The following TJP1 variants were observed in gnomAD, a reference collection of about 807,000 sequenced individuals.
The protein encoded by TJP1 is tight junction protein 1.
TJP1 carries 43 observed loss-of-function variants against 194.2 expected under a neutral mutation model. That is an observed-to-expected ratio of 0.22 (90% CI 0.17 to 0.29). TJP1 has a LOEUF of 0.29. Ranked by LOEUF, TJP1 falls within the 10% of genes least tolerant of loss-of-function variation. The pLI, the probability that TJP1 is intolerant of heterozygous loss-of-function variation, is 1.00. For missense variants in TJP1, 1,971 were observed against 2,185.7 expected, an observed-to-expected ratio of 0.90 and a Z score of 1.96; for synonymous variants, 801 against 779.0, an observed-to-expected ratio of 1.03 and a Z score of -0.47.
At chr15:29,842,261 C>A (rs573444519) in intron 2 of TJP1, among the ~76,000 whole-genome samples, 2 of 152,264 alleles carry the variant, frequency 1.3e-5, no homozygotes, top group Admixed American at 6.5e-5. Context: ...AAGCCCCAAA[C>A]GCTTCTAACT....
intron 2 of TJP1, among the ~76,000 whole-genome samples, chr15:29,951,626 T>C (rs2055756868): frequency 6.6e-6 from 1 of 152,200 alleles, no homozygotes. Context: ...TCTTCTCACA[T>C]ATTTCCCCCT....
intron 4 of TJP1, among the ~76,000 whole-genome samples, chr15:29,771,532 G>A (rs917974713): frequency 6.6e-6 from 1 of 152,194 alleles, no homozygotes; most frequent in Admixed American, 6.5e-5. Flanking sequence ...TTGGCCGGGC[G>A]TGGTGGCTCA....
chr15:29,811,519 G>A (rs992624460), intron 1 of TJP1, among the ~76,000 whole-genome samples: 1 of 152,138 alleles, frequency 6.6e-6, no homozygotes, highest in African/African-American at 2.4e-5. Context: ...GCAAATCAAA[G>A]CTGAATAGAA....
chr15:29,950,941 T>G (rs1274458631), intron 2 of TJP1, among the ~76,000 whole-genome samples: 1 of 152,042 alleles, frequency 6.6e-6, no homozygotes, highest in Non-Finnish European at 1.5e-5. Flanking sequence ...TTTGACAAAG[T>G]TGTTATGAGG....
chr15:29,833,611 T>C (rs547315404), intron 2 of TJP1, among the ~76,000 whole-genome samples: 1 of 151,812 alleles, frequency 6.6e-6, no homozygotes, highest in African/African-American at 2.4e-5. Flanking sequence ...GAGGCTAATC[T>C]TGAACTCCTG....
intron 23 of TJP1, among the ~76,000 whole-genome samples, chr15:29,714,537 C>CG (rs758899560): frequency 2.2e-5 from 2 of 88,986 alleles, no homozygotes; most frequent in African/African-American, 9.6e-5. Context: ...TGCGCCCAGC[C>CG]TTTTTTTTTT....
intron 2 of TJP1, among the ~76,000 whole-genome samples, chr15:29,789,965 A>C (rs1365292663): frequency 6.6e-6 from 1 of 151,844 alleles, no homozygotes; most frequent in Non-Finnish European, 1.5e-5. Flanking sequence ...GCCCAGACAA[A>C]CTGAGTAAGA....
intron 8 of TJP1, among the ~76,000 whole-genome samples, chr15:29,758,130 T>C (rs1161780512): frequency 6.6e-6 from 1 of 152,216 alleles, no homozygotes; most frequent in Non-Finnish European, 1.5e-5. Context: ...TTGTACTGTT[T>C]ATGTTATCAG....
chr15:29,741,675 A>G (rs2044430188), intron 9 of TJP1, among the ~76,000 whole-genome samples: 1 of 152,202 alleles, frequency 6.6e-6, no homozygotes, highest in African/African-American at 2.4e-5. Flanking sequence ...TCTATTCTTT[A>G]AGAACGAATA....
Position 29,916,994 on chromosome 15 carries a change from G to T in TJP1, c.306+39238C>A, listed in dbSNP as rs534059720. Reference sequence around the variant, plus strand: ...CCCCTCCACCACCACCTTTCATGGTGTATTTTTCAACCCCTTTAGAGAATT... The same window carrying T: ...CCCCTCCACCACCACCTTTCATGGTTTATTTTTCAACCCCTTTAGAGAATT... On this transcript the variant is annotated intron_variant, in intron 2 of 28. Transcript: ENST00000356107. 8.5e-5 allele frequency among the ~76,000 whole-genome samples: 13 copies of T among 152,234 alleles called. No individual in the cohort carries two copies. In the East Asian group the frequency reaches 2.5e-3, roughly 29 times the overall value.
intron 11 of TJP1, among the ~76,000 whole-genome samples, chr15:29,735,449 T>C (rs1299515869): frequency 6.6e-6 from 1 of 151,460 alleles, no homozygotes; most frequent in Non-Finnish European, 1.5e-5. Context: ...ATTTGCCACG[T>C]GTGGTGGCTA....
At chr15:29,881,958 T>C (rs889527930) in intron 2 of TJP1, among the ~76,000 whole-genome samples, 2 of 151,414 alleles carry the variant, frequency 1.3e-5, no homozygotes, top group Non-Finnish European at 2.9e-5. Flanking sequence ...TATATATAGA[T>C]ATATATATTT....
At chr15:29,900,072 G>A (rs951036012) in intron 2 of TJP1, among the ~76,000 whole-genome samples, 2 of 152,046 alleles carry the variant, frequency 1.3e-5, no homozygotes, top group African/African-American at 4.8e-5. Flanking sequence ...AGGGTGGGGG[G>A]ATGGCAAATG....
rs145119870 is a variant in TJP1 at position 29,846,754 on chromosome 15, T to A, written c.307-46052A>T. 9.5e-4 allele frequency among the ~76,000 whole-genome samples: 145 copies of A among 152,030 alleles called. 1 individual carries two copies. The highest frequency in any genetic ancestry group is 3.1e-3 in the African/African-American group (128 of 41,476). ...TCCTGGCTGACATGGTGCAACCCCA[T>A]CTCTACTAAAAATACAAAAAAGTTA... On this transcript the variant is annotated intron_variant, in intron 2 of 28. Coordinates refer to the TJP1 transcript ENST00000356107.
chr15:29,798,471 C>T (rs72719077), intron 2 of TJP1, among the ~76,000 whole-genome samples: 7,816 of 152,120 alleles, frequency 0.051, 246 homozygotes, highest in South Asian at 0.077. Flanking sequence ...TTAAACATGA[C>T]GTCATCACTC....
intron 8 of TJP1, chr15:29,760,083 A>G (rs149455897): frequency 0.013 from 7,501 of 560,694 alleles, 68 homozygotes; most frequent in Admixed American, 0.017. Flanking sequence ...ATTCTCATCA[A>G]CAACGTATAA....
intron 1 of TJP1, among the ~76,000 whole-genome samples, chr15:29,961,679 G>A (rs2056170088): frequency 6.6e-6 from 1 of 152,118 alleles, no homozygotes; most frequent in Non-Finnish European, 1.5e-5. Context: ...ACAGACCACA[G>A]GCCTGGCCCC....
chr15:29,772,012 T>A (rs78349993), intron 4 of TJP1, 52 bp downstream of exon 4: 52 of 1,123,068 alleles, frequency 4.6e-5, no homozygotes, highest in Non-Finnish European at 6.8e-5. Context: ...CAGAAATGTA[T>A]CAACAATAAA....
At chr15:29,946,993 T>A (rs917296355) in intron 2 of TJP1, among the ~76,000 whole-genome samples, 3 of 152,214 alleles carry the variant, frequency 2.0e-5, no homozygotes, top group African/African-American at 7.2e-5. Context: ...CACTAAATCT[T>A]TTTGTATTTT....
Sources: allele counts gnomAD v4.1 joint callset (sites outside exome capture counted in the v4.1 genomes callset), GRCh38; gene constraint gnomAD v4.1.1; transcripts MANE v1.5; gene names NCBI Gene and HGNC (gene_info 2026-07-23, HGNC 2026-07-21).